The following KCNH8 variants were observed in gnomAD, a reference collection of about 807,000 sequenced individuals.
KCNH8 encodes the protein potassium voltage-gated channel subfamily H member 8.
In KCNH8, 70 loss-of-function variants were observed where a neutral mutation model predicts 103.6. The observed-to-expected ratio is 0.68, with a 90% CI of 0.56 to 0.82. The LOEUF (loss-of-function observed/expected upper bound fraction) is 0.82, where lower values mean the gene tolerates loss of function less well. Ranked by LOEUF, KCNH8 falls within the 40% of genes least tolerant of loss-of-function variation. KCNH8 has a pLI of 0.00. For synonymous variants in KCNH8, 498 were observed against 489.4 expected, an observed-to-expected ratio of 1.02 and a Z score of -0.23; for missense variants, 1,217 against 1,329.9, an observed-to-expected ratio of 0.92 and a Z score of 1.32.
intron 5 of KCNH8, among the ~76,000 whole-genome samples, chr3:19,354,645 TAATA>T (rs2065853501): frequency 6.6e-6 from 1 of 152,188 alleles, no homozygotes; most frequent in Non-Finnish European, 1.5e-5. Flanking sequence ...ATTCCCTATT[TAATA>T]AATGGTGCTG....
chr3:19,346,200 G>T (rs1212332192), intron 4 of KCNH8, among the ~76,000 whole-genome samples: 1 of 152,072 alleles, frequency 6.6e-6, no homozygotes, highest in African/African-American at 2.4e-5. Flanking sequence ...GTGGTGAGAA[G>T]ATTAATGGTT....
chr3:19,500,953 AC>A (rs754033824), intron 11 of KCNH8, among the ~76,000 whole-genome samples: 33 of 152,362 alleles, frequency 2.2e-4, no homozygotes, highest in Non-Finnish European at 4.1e-4. Flanking sequence ...AAATAGAGAC[AC>A]AAAAAACCCT....
intron 2 of KCNH8, among the ~76,000 whole-genome samples, chr3:19,271,380 G>A (rs2064586163): frequency 6.6e-6 from 1 of 152,082 alleles, no homozygotes; most frequent in South Asian, 2.1e-4. Flanking sequence ...TATGTTAGAT[G>A]TTCAAAGAAA....
intron 3 of KCNH8, among the ~76,000 whole-genome samples, chr3:19,334,650 T>A (rs1443011499): frequency 6.6e-6 from 1 of 151,340 alleles, no homozygotes; most frequent in African/African-American, 2.4e-5. Flanking sequence ...ATATCTAGGA[T>A]CTATAATTAT....
chr3:19,459,746 C>A (rs2067592044), intron 11 of KCNH8, among the ~76,000 whole-genome samples: 1 of 151,986 alleles, frequency 6.6e-6, no homozygotes, highest in Non-Finnish European at 1.5e-5. Context: ...ACATTTAAGT[C>A]TTTATTCATT....
chr3:19,233,642 G>C (rs887350138), intron 1 of KCNH8, among the ~76,000 whole-genome samples: 1 of 152,172 alleles, frequency 6.6e-6, no homozygotes, highest in Non-Finnish European at 1.5e-5. Flanking sequence ...GCCACTGTCT[G>C]TGTGGAGTTG....
At chr3:19,303,156 G>T (rs1209650698) in intron 3 of KCNH8, among the ~76,000 whole-genome samples, 1 of 152,108 alleles carries the variant, frequency 6.6e-6, no homozygotes, top group African/African-American at 2.4e-5. Flanking sequence ...CTTGAATGAT[G>T]AATATTTCTA....
At chr3:19,325,553 A>T (rs536575909) in intron 3 of KCNH8, among the ~76,000 whole-genome samples, 35 of 152,236 alleles carry the variant, frequency 2.3e-4, no homozygotes, top group Non-Finnish European at 4.4e-4. Flanking sequence ...TCTCAAAAGA[A>T]GACATACATG....
At chr3:19,296,411 A>G (rs913098713) in intron 3 of KCNH8, among the ~76,000 whole-genome samples, 1 of 152,248 alleles carries the variant, frequency 6.6e-6, no homozygotes, top group Non-Finnish European at 1.5e-5. Context: ...AAGCTGCTAA[A>G]ATGACTGATT....
intron 1 of KCNH8, among the ~76,000 whole-genome samples, chr3:19,186,834 G>GT: frequency 6.6e-6 from 1 of 151,964 alleles, no homozygotes; most frequent in Non-Finnish European, 1.5e-5. Flanking sequence ...ACAATGTGTA[G>GT]TTTTTCAATG....
chr3:19,150,438 T>C (rs1470294284), intron 1 of KCNH8, among the ~76,000 whole-genome samples: 1 of 152,012 alleles, frequency 6.6e-6, no homozygotes, highest in Non-Finnish European at 1.5e-5. Context: ...AATTGGCAAA[T>C]GGTAATTGTT....
intron 1 of KCNH8, among the ~76,000 whole-genome samples, chr3:19,163,916 T>C (rs2063257913): frequency 6.6e-6 from 1 of 152,212 alleles, no homozygotes; most frequent in African/African-American, 2.4e-5. Context: ...AAGAATACAG[T>C]GTATAGTACC....
chr3:19,378,081 CA>C (rs1025090362), intron 5 of KCNH8, among the ~76,000 whole-genome samples: 4 of 152,176 alleles, frequency 2.6e-5, no homozygotes, highest in Non-Finnish European at 5.9e-5. Flanking sequence ...CTTAGATAAT[CA>C]TTTAGGGACT....
intron 1 of KCNH8, among the ~76,000 whole-genome samples, chr3:19,236,033 A>T (rs1024763693): frequency 6.6e-6 from 1 of 152,192 alleles, no homozygotes; most frequent in African/African-American, 2.4e-5. Flanking sequence ...AACTGTGTGT[A>T]TATAGTTTAT....
At chr3:19,458,197 T>C (rs1292585904) in intron 11 of KCNH8, among the ~76,000 whole-genome samples, 1 of 151,930 alleles carries the variant, frequency 6.6e-6, no homozygotes, top group Non-Finnish European at 1.5e-5. Flanking sequence ...TTAAAACATA[T>C]ATTGTTTCTG....
intron 11 of KCNH8, among the ~76,000 whole-genome samples, chr3:19,473,788 A>G (rs546976071): frequency 1.1e-4 from 16 of 152,346 alleles, no homozygotes; most frequent in African/African-American, 3.6e-4. Context: ...ACACACATAC[A>G]TTTATGTAGA....
intron 3 of KCNH8, among the ~76,000 whole-genome samples, chr3:19,300,154 C>T (rs982213708): frequency 1.3e-5 from 2 of 151,632 alleles, no homozygotes; most frequent in African/African-American, 4.8e-5. Flanking sequence ...GAGGCTGAGG[C>T]AGGAGAATCG....
chr3:19,421,063 G>A lies in KCNH8; in HGVS notation c.1178-17101G>A, dbSNP rs1415320601. On this transcript the variant is annotated intron_variant, in intron 7 of 15. Transcript: ENST00000328405. ...TCACTGCCAAGTTATAGAATTGGTA[G>A]AATTTGACACTTTTTAAAAAATTGG... 2.6e-5 allele frequency among the ~76,000 whole-genome samples: 4 copies of A among 152,226 alleles called. No individual in the cohort carries two copies. In the East Asian group the frequency reaches 7.7e-4, roughly 29 times the overall value.
chr3:19,151,654 T>G (rs946079086), intron 1 of KCNH8, among the ~76,000 whole-genome samples: 2 of 152,078 alleles, frequency 1.3e-5, no homozygotes, highest in Non-Finnish European at 2.9e-5. Flanking sequence ...TATTTATCAG[T>G]TGAGATATTA....
Sources: allele counts gnomAD v4.1 joint callset (sites outside exome capture counted in the v4.1 genomes callset), GRCh38; gene constraint gnomAD v4.1.1; transcripts MANE v1.5; gene names NCBI Gene and HGNC (gene_info 2026-07-23, HGNC 2026-07-21).